BMERB1: variants seen among roughly 807,000 people sequenced by gnomAD.
BMERB1 encodes the protein bMERB domain containing 1.
Under a neutral mutation model 23.6 loss-of-function variants are expected in BMERB1, and 12 were observed. The ratio of observed to expected loss-of-function variants is 0.51; its 90% CI spans 0.33 to 0.82. The LOEUF is 0.82. BMERB1 is among the 40% of genes least tolerant of loss of function. The probability of loss-of-function intolerance (pLI) is 0.03; values close to 1 mark genes in which losing one functional copy is unlikely to be tolerated. For synonymous variants in BMERB1, 122 were observed against 96.6 expected, an observed-to-expected ratio of 1.26 and a Z score of -1.54; for missense variants, 247 against 255.4, an observed-to-expected ratio of 0.97 and a Z score of 0.22.
At chr16:15,526,955 ATATTT>A (rs1281030376) in intron 2 of BMERB1, among the ~76,000 whole-genome samples, 3 of 146,964 alleles carry the variant, frequency 2.0e-5, no homozygotes, top group Non-Finnish European at 3.0e-5. Context: ...ATAATAAATC[ATATTT>A]TATTATATTT....
intron 3 of BMERB1, among the ~76,000 whole-genome samples, chr16:15,574,348 C>T (rs941447221): frequency 1.2e-4 from 19 of 152,122 alleles, no homozygotes; most frequent in East Asian, 3.9e-4. Flanking sequence ...TTTTGGGTGG[C>T]GACACAAAGC....
chr16:15,467,209 A>T (rs532648907), intron 1 of BMERB1, among the ~76,000 whole-genome samples: 1 of 152,314 alleles, frequency 6.6e-6, no homozygotes, highest in South Asian at 2.1e-4. Flanking sequence ...ATAAACGCTC[A>T]GGAGTGCAGT....
At chr16:15,512,676 C>A (rs1029198432) in intron 1 of BMERB1, among the ~76,000 whole-genome samples, 4 of 152,072 alleles carry the variant, frequency 2.6e-5, no homozygotes, top group Non-Finnish European at 5.9e-5. Flanking sequence ...GTCAGGAGTT[C>A]AAGACCAGCC....
At chr16:15,579,696 T>G (rs767058688) in intron 3 of BMERB1, among the ~76,000 whole-genome samples, 9 of 152,168 alleles carry the variant, frequency 5.9e-5, no homozygotes, top group Non-Finnish European at 7.3e-5. Flanking sequence ...ATCCTAGCAC[T>G]TGGTGTTTGG....
At chr16:15,479,598 C>CCAACG (rs2051302545) in intron 1 of BMERB1, among the ~76,000 whole-genome samples, 1 of 151,770 alleles carries the variant, frequency 6.6e-6, no homozygotes, top group Non-Finnish European at 1.5e-5. Flanking sequence ...ATACTCCAAC[C>CCAACG]AAAACAATAT....
chr16:15,441,486 C>T (rs1258627700), intron 1 of BMERB1, among the ~76,000 whole-genome samples: 1 of 152,068 alleles, frequency 6.6e-6, no homozygotes, highest in Non-Finnish European at 1.5e-5. Context: ...TGGGTCCGAG[C>T]GATTCTTCTG....
chr16:15,570,557 A>G (rs2030698854), intron 3 of BMERB1, among the ~76,000 whole-genome samples: 1 of 152,112 alleles, frequency 6.6e-6, no homozygotes. Flanking sequence ...CTACCCCTCA[A>G]TGGTGATGTT....
At chr16:15,507,333 G>C (rs1219422766) in intron 1 of BMERB1, among the ~76,000 whole-genome samples, 1 of 152,086 alleles carries the variant, frequency 6.6e-6, no homozygotes, top group Non-Finnish European at 1.5e-5. Flanking sequence ...TGCATACCAG[G>C]GCTGCCCGGG....
At chr16:15,457,587 G>A (rs1185813591) in intron 1 of BMERB1, among the ~76,000 whole-genome samples, 1 of 152,048 alleles carries the variant, frequency 6.6e-6, no homozygotes, top group Non-Finnish European at 1.5e-5. Flanking sequence ...CTCCCTCCAC[G>A]TGCCCAGCCA....
At chr16:15,448,256 G>A (rs930217085) in intron 1 of BMERB1, among the ~76,000 whole-genome samples, 2 of 152,146 alleles carry the variant, frequency 1.3e-5, no homozygotes, top group Admixed American at 6.5e-5. Context: ...CAGGGGCCCT[G>A]GGGATAAGAA....
At chr16:15,532,621 C>T (rs573395347) in intron 2 of BMERB1, among the ~76,000 whole-genome samples, 1 of 144,940 alleles carries the variant, frequency 6.9e-6, no homozygotes, top group Non-Finnish European at 1.5e-5. Context: ...TCTCGGCTCA[C>T]TGCAAGCTCT....
intron 1 of BMERB1, among the ~76,000 whole-genome samples, chr16:15,500,752 C>T (rs374942845): frequency 6.6e-6 from 1 of 152,126 alleles, no homozygotes; most frequent in Non-Finnish European, 1.5e-5. Context: ...CCCAGGTTCA[C>T]GTGATCCTTG....
At chr16:15,478,743 C>T (rs1232458259) in intron 1 of BMERB1, among the ~76,000 whole-genome samples, 1 of 152,152 alleles carries the variant, frequency 6.6e-6, no homozygotes, top group African/African-American at 2.4e-5. Flanking sequence ...CTCTACTCAT[C>T]TTCATATTCT....
chr16:15,559,839 G>T (rs561950990), intron 2 of BMERB1, among the ~76,000 whole-genome samples: 2 of 152,212 alleles, frequency 1.3e-5, no homozygotes, highest in South Asian at 2.1e-4. Flanking sequence ...CAGGACAGGG[G>T]TGTCCAATCT....
chr16:15,519,732 C>G (rs1158322848), intron 2 of BMERB1, among the ~76,000 whole-genome samples: 2 of 152,076 alleles, frequency 1.3e-5, no homozygotes, highest in Non-Finnish European at 1.5e-5. Context: ...CCTGCCCCAG[C>G]CCCAAAGCTC....
intron 2 of BMERB1, among the ~76,000 whole-genome samples, chr16:15,551,922 C>T (rs1005283557): frequency 2.6e-5 from 4 of 152,074 alleles, no homozygotes; most frequent in Non-Finnish European, 4.4e-5. Flanking sequence ...CCTGCCTCGG[C>T]CTCCCTTAGT....
chr16:15,456,103 A>G (rs563895887), intron 1 of BMERB1, among the ~76,000 whole-genome samples: 3 of 152,290 alleles, frequency 2.0e-5, no homozygotes, highest in Admixed American at 6.5e-5. Context: ...CAAACAATAC[A>G]AAAGTGTAGA....
At chr16:15,580,188 C>A (rs901771971) in intron 3 of BMERB1, among the ~76,000 whole-genome samples, 9 of 145,976 alleles carry the variant, frequency 6.2e-5, no homozygotes, top group African/African-American at 2.5e-4. Flanking sequence ...CCTAGAACTC[C>A]TGGGCTCAAG....
chr16:15,550,984 A>G (rs1253989701), intron 2 of BMERB1, among the ~76,000 whole-genome samples: 1 of 152,138 alleles, frequency 6.6e-6, no homozygotes, highest in East Asian at 1.9e-4. Context: ...TTTGGGGGAG[A>G]GGACGCCACA....
Sources: allele counts gnomAD v4.1 joint callset (sites outside exome capture counted in the v4.1 genomes callset), GRCh38; gene constraint gnomAD v4.1.1; transcripts MANE v1.5; gene names NCBI Gene and HGNC (gene_info 2026-07-23, HGNC 2026-07-21).